The following PCDHGB4 variants were observed in gnomAD, a reference collection of about 807,000 sequenced individuals.
The protein encoded by PCDHGB4 is protocadherin gamma-B4.
In PCDHGB4, 38 loss-of-function variants were observed where a neutral mutation model predicts 60.5. The observed-to-expected ratio is 0.63, with a 90% CI of 0.48 to 0.82. The LOEUF (loss-of-function observed/expected upper bound fraction) is 0.82, where lower values mean the gene tolerates loss of function less well. Among genes scored for constraint, PCDHGB4 ranks in the 40% least tolerant of loss-of-function variants. The pLI is 0.00. For missense variants in PCDHGB4, 1,109 were observed against 1,209.6 expected, an observed-to-expected ratio of 0.92 and a Z score of 1.23; for synonymous variants, 456 against 509.7, an observed-to-expected ratio of 0.89 and a Z score of 1.42.
intron 1 of PCDHGB4, chr5:141,416,276 A>G (rs553989511): frequency 6.6e-6 from 1 of 152,388 alleles, no homozygotes; most frequent in East Asian, 1.9e-4. Context: ...TTTTGCATAC[A>G]ATTCTCTAAT....
rs1429603639 is a variant in PCDHGB4 at position 141,415,751 on chromosome 5, T to TTG, written c.2397+25471_2397+25472insGT. 7.1e-5 allele frequency: 95 copies of TTG among 1,328,716 alleles called. No homozygotes were observed. The African/African-American group carries it at 1.1e-3, about 15-fold the overall frequency. 82.3% of individuals were successfully genotyped at this position (1,328,716 alleles called of 1,614,324 possible). Reference sequence around the variant, plus strand: ...TGATGTTTATTAAGGTTTTTTTTTTTTTTTTTTTTTTTTTTTTTTTTACTT... The same window carrying TTG: ...TGATGTTTATTAAGGTTTTTTTTTTTTGTTTTTTTTTTTTTTTTTTTTTACTT... On this transcript the variant is annotated intron_variant, in intron 1 of 3. Coordinates refer to ENST00000519479, the MANE Select transcript of PCDHGB4 (RefSeq NM_003736.4).
intron 1 of PCDHGB4, among the ~76,000 whole-genome samples, chr5:141,406,226 A>G (rs888434232): frequency 4.6e-5 from 7 of 152,108 alleles, no homozygotes; most frequent in African/African-American, 1.7e-4. Flanking sequence ...TGGGAGGGCT[A>G]GCAAGCTATG....
chr5:141,464,093 C>T (rs1029458289), intron 1 of PCDHGB4, among the ~76,000 whole-genome samples: 1 of 151,888 alleles, frequency 6.6e-6, no homozygotes, highest in Non-Finnish European at 1.5e-5. Context: ...GGTGAAACTC[C>T]GTCTCTACTA....
At chr5:141,419,674 C>T (rs372932653) in intron 1 of PCDHGB4, 48 of 1,612,820 alleles carry the variant, frequency 3.0e-5, no homozygotes, top group Non-Finnish European at 3.7e-5. Context: ...CCTGGCTGTC[C>T]TACCACGTGG....
At chr5:141,443,683 A>C (rs1358937790) in intron 1 of PCDHGB4, among the ~76,000 whole-genome samples, 1 of 152,248 alleles carries the variant, frequency 6.6e-6, no homozygotes, top group Admixed American at 6.5e-5. Flanking sequence ...GTTTACAAAC[A>C]CTTCAAAAAT....
intron 1 of PCDHGB4, chr5:141,412,659 C>T (rs1013218327): frequency 7.9e-5 from 12 of 152,212 alleles, no homozygotes; most frequent in African/African-American, 2.4e-4. Flanking sequence ...TACCTAGACA[C>T]TAATATGACC....
At chr5:141,469,780 G>A (rs775691161) in intron 1 of PCDHGB4, among the ~76,000 whole-genome samples, 12 of 152,080 alleles carry the variant, frequency 7.9e-5, no homozygotes, top group Non-Finnish European at 1.8e-4. Context: ...ATTTATTACA[G>A]CGTTATTTGT....
intron 1 of PCDHGB4, chr5:141,478,400 C>A (rs1295855090): frequency 6.2e-7 from 1 of 1,613,550 alleles, no homozygotes; most frequent in East Asian, 2.2e-5. Context: ...TCAGGTGTAT[C>A]TCACCACGGA....
chr5:141,458,385 C>T (rs1371423838), intron 1 of PCDHGB4, among the ~76,000 whole-genome samples: 15 of 152,104 alleles, frequency 9.9e-5, no homozygotes, highest in East Asian at 1.9e-4. Context: ...AGAAGGAAGA[C>T]GCTCCCCCTT....
At chr5:141,418,145 T>G in intron 1 of PCDHGB4, 4 of 1,614,052 alleles carry the variant, frequency 2.5e-6, no homozygotes, top group Non-Finnish European at 3.4e-6. Flanking sequence ...TGAGCAAATA[T>G]GCAAAGAGAG....
At chr5:141,412,561 T>G (rs1183372771) in intron 1 of PCDHGB4, 3 of 152,184 alleles carry the variant, frequency 2.0e-5, no homozygotes, top group Admixed American at 6.5e-5. Context: ...TCTCATGAGT[T>G]TATTTAATAT....
At chr5:141,399,479 C>G (rs774561101) in intron 1 of PCDHGB4, 2 of 1,614,032 alleles carry the variant, frequency 1.2e-6, no homozygotes, top group East Asian at 4.5e-5. Context: ...TTCCACCAGG[C>G]GTCCTACTTA....
In PCDHGB4 at chr5:141,418,521, C is replaced by G. The variant is rs1246716171; in HGVS notation, c.2397+28240C>G. The G allele has an allele frequency of 3.7e-6, 6 of 1,613,840 alleles. No individual in the cohort carries two copies. The Admixed American group carries it at 1.0e-4, about 27-fold the overall frequency. On this transcript the variant is annotated intron_variant, in intron 1 of 3. Coordinates refer to ENST00000519479, the MANE Select transcript of PCDHGB4 (RefSeq NM_003736.4). ...ACCGCCTTAGATGGTGGGGACCCTC[C>G]CCGAAGCGGTACTGCTCAGATAAGA...
intron 1 of PCDHGB4, among the ~76,000 whole-genome samples, chr5:141,401,296 C>G (rs2094138441): frequency 6.6e-6 from 1 of 152,104 alleles, no homozygotes; most frequent in African/African-American, 2.4e-5. Flanking sequence ...GAGCCGAGAT[C>G]ACTCCATTGC....
At position 141,393,204 on chromosome 5, in the gene PCDHGB4, C is replaced by G. The variant is rs373432896; in HGVS notation, c.2397+2923C>G. On this transcript the variant is annotated intron_variant, in intron 1 of 3. Transcript: ENST00000519479. ...AATAATTGATATTAACGATAATAAC[C>G]CAAAATTCCAGGTCGAAGATCTAGA... 7 of 1,613,342 alleles carry G rather than the reference C, an allele frequency of 4.3e-6. No homozygotes were observed. In the East Asian group the frequency reaches 1.6e-4, roughly 36 times the overall value.
intron 1 of PCDHGB4, chr5:141,410,127 T>A (rs761667108): frequency 3.7e-6 from 6 of 1,612,926 alleles, no homozygotes; most frequent in Non-Finnish European, 5.1e-6. Context: ...CGCCAGCGCC[T>A]GCTGGTCGCT....
intron 1 of PCDHGB4, among the ~76,000 whole-genome samples, chr5:141,436,809 A>T (rs2097847373): frequency 6.6e-6 from 1 of 152,242 alleles, no homozygotes; most frequent in Non-Finnish European, 1.5e-5. Context: ...TTTTTGTGAC[A>T]GCTGGTTTAA....
intron 1 of PCDHGB4, chr5:141,478,233 T>G: frequency 6.2e-7 from 1 of 1,614,126 alleles, no homozygotes. Context: ...GTGGGGTTTG[T>G]GGTCACAGTG....
intron 1 of PCDHGB4, among the ~76,000 whole-genome samples, chr5:141,472,266 G>A (rs931951683): frequency 2.0e-5 from 3 of 152,198 alleles, no homozygotes. Flanking sequence ...TTATAGCCGG[G>A]CACAGTGGCT....
Sources: allele counts gnomAD v4.1 joint callset (sites outside exome capture counted in the v4.1 genomes callset), GRCh38; gene constraint gnomAD v4.1.1; transcripts MANE v1.5; gene names NCBI Gene and HGNC (gene_info 2026-07-23, HGNC 2026-07-21).